The following SGCG variants were observed in gnomAD, a reference collection of about 807,000 sequenced individuals.
The protein encoded by SGCG is gamma-sarcoglycan.
A neutral mutation model predicts 29.3 loss-of-function variants in SGCG; 26 were observed. That is an observed-to-expected ratio of 0.89 (90% CI 0.65 to 1.23). The LOEUF (loss-of-function observed/expected upper bound fraction) is 1.23, where lower values mean the gene tolerates loss of function less well. Among genes scored for constraint, SGCG ranks in the 50% most tolerant of loss-of-function variants. The probability of loss-of-function intolerance (pLI) is 0.00; values close to 1 mark genes in which losing one functional copy is unlikely to be tolerated. For synonymous variants in SGCG, 145 were observed against 129.7 expected (o/e 1.12, Z -0.80); for missense variants, 353 against 356.0 (o/e 0.99, Z 0.07).
chr13:23,317,222 ACAC>A (rs1422236663), intron 6 of SGCG, among the ~76,000 whole-genome samples: 1 of 152,166 alleles, frequency 6.6e-6, no homozygotes, highest in African/African-American at 2.4e-5. Context: ...TCAGTCTACT[ACAC>A]CACAGAGGTA....
At chr13:23,316,991 G>A (rs1202861488) in intron 6 of SGCG, among the ~76,000 whole-genome samples, 2 of 152,146 alleles carry the variant, frequency 1.3e-5, no homozygotes, top group Non-Finnish European at 2.9e-5. Flanking sequence ...CAGATCATGA[G>A]GTCAGGAGAT....
In SGCG at chr13:23,320,597, C is replaced by CTT. The variant is rs67528585; in HGVS notation, c.579-24_579-23dup. On this transcript the variant is annotated intron_variant, in intron 6 of 7. Transcript: ENST00000218867. ...ATTGCTGGAGTGGCTATTTTTAATA[C>CTT]TTTTTTTTTTTTTTTTTGTGCTTCT... The CTT allele has an allele frequency of 0.078, 100,868 of 1,294,468 alleles. 1,636 individuals are homozygous for CTT. The highest frequency in any genetic ancestry group is 0.17 in the African/African-American group (9,977 of 60,366). 80.2% of individuals were successfully genotyped at this position (1,294,468 alleles called of 1,614,324 possible). A position where few individuals can be genotyped will look rare whatever the true frequency, so the allele number is the denominator to read the frequency against.
chr13:23,309,036 A>G (rs1882458809), intron 6 of SGCG, among the ~76,000 whole-genome samples: 1 of 151,998 alleles, frequency 6.6e-6, no homozygotes, highest in East Asian at 1.9e-4. Flanking sequence ...TTAATATTTT[A>G]TGATATTCTC....
chr13:23,244,207 A>G (rs536264459), intron 3 of SGCG: 19 of 152,354 alleles, frequency 1.2e-4, no homozygotes, highest in African/African-American at 4.1e-4. Context: ...TACATATCAT[A>G]TCAGGATTAC....
intron 6 of SGCG, among the ~76,000 whole-genome samples, chr13:23,311,490 C>T (rs951166293): frequency 5.3e-5 from 8 of 152,216 alleles, no homozygotes; most frequent in South Asian, 2.1e-4. Context: ...GGGGTGGTAG[C>T]GAGCTCCCTC....
At chr13:23,169,507 C>T in the SGCG span, among the ~76,000 whole-genome samples, 2 of 151,862 alleles carry the variant, frequency 1.3e-5, no homozygotes, top group South Asian at 2.1e-4. Context: ...GGTGAAACCC[C>T]GTCTCTACTA....
chr13:23,230,967 A>G (rs1879085348), intron 2 of SGCG, among the ~76,000 whole-genome samples: 2 of 152,146 alleles, frequency 1.3e-5, no homozygotes, highest in African/African-American at 4.8e-5. Flanking sequence ...TTCCTTCAAT[A>G]CTTAGTTTAT....
chr13:23,162,761 G>A, the SGCG span, among the ~76,000 whole-genome samples: 1 of 152,004 alleles, frequency 6.6e-6, no homozygotes, highest in African/African-American at 2.4e-5. Context: ...AACCTGGGTG[G>A]CGAAGTTGCA....
chr13:23,316,241 C>T (rs1242095546), intron 6 of SGCG, among the ~76,000 whole-genome samples: 1 of 152,140 alleles, frequency 6.6e-6, no homozygotes, highest in Non-Finnish European at 1.5e-5. Context: ...AGAGGTTTGT[C>T]CTCACTGGAA....
At chr13:23,167,634 G>A in the SGCG span, among the ~76,000 whole-genome samples, 5,346 of 152,102 alleles carry the variant, frequency 0.035, 124 homozygotes, top group Middle Eastern at 0.099. Flanking sequence ...GTTTTTATTT[G>A]CATTCCTCTG....
chr13:23,234,485 T>G, intron 2 of SGCG, 126 bp from the exon 3 acceptor site: 1 of 566,792 alleles, frequency 1.8e-6, no homozygotes, highest in Non-Finnish European at 3.0e-6. Flanking sequence ...TTAAATACAC[T>G]AGGAGAAATG....
At chr13:23,215,369 T>G (rs1878387472) in intron 2 of SGCG, among the ~76,000 whole-genome samples, 1 of 152,182 alleles carries the variant, frequency 6.6e-6, no homozygotes, top group Non-Finnish European at 1.5e-5. Flanking sequence ...ACAAACCAAC[T>G]AATCTTATTT....
chr13:23,207,728 G>T (rs902375784), intron 2 of SGCG, among the ~76,000 whole-genome samples: 1 of 152,084 alleles, frequency 6.6e-6, no homozygotes, highest in Non-Finnish European at 1.5e-5. Context: ...TCAGGGAAAC[G>T]CAAATCAAAA....
intron 6 of SGCG, among the ~76,000 whole-genome samples, chr13:23,320,074 TTC>T (rs1882978271): frequency 6.6e-6 from 1 of 152,248 alleles, no homozygotes; most frequent in African/African-American, 2.4e-5. Context: ...CAAACTTATA[TTC>T]TGTCTTATGA....
At chr13:23,287,639 C>T (rs1881543251) in intron 5 of SGCG, among the ~76,000 whole-genome samples, 1 of 152,232 alleles carries the variant, frequency 6.6e-6, no homozygotes, top group South Asian at 2.1e-4. Context: ...AGCCATCCTA[C>T]AACTCCAACT....
intron 2 of SGCG, among the ~76,000 whole-genome samples, chr13:23,225,455 T>C (rs1475442124): frequency 1.3e-5 from 2 of 152,188 alleles, no homozygotes; most frequent in African/African-American, 4.8e-5. Context: ...GCACATCCAC[T>C]TGGACTCATA....
In SGCG at chr13:23,300,551, T is replaced by C. The variant is rs188948065; in HGVS notation, c.578+5064T>C. Reference sequence around the variant, plus strand: ...AACGATGTCACAAGAAAGATTGCTATTTTAGGCCATGGGTTGAAAAATTAC... The same window carrying C: ...AACGATGTCACAAGAAAGATTGCTACTTTAGGCCATGGGTTGAAAAATTAC... On this transcript the variant is annotated intron_variant, in intron 6 of 7. Coordinates refer to ENST00000218867, the MANE Select transcript of SGCG (RefSeq NM_000231.3). 2.5e-3 allele frequency among the ~76,000 whole-genome samples: 379 copies of C among 152,146 alleles called. 4 individuals are homozygous for C. The highest frequency in any genetic ancestry group is 1.2e-3 in the Non-Finnish European group (80 of 68,002).
intron 4 of SGCG, among the ~76,000 whole-genome samples, chr13:23,257,729 T>C (rs1880254388): frequency 1.3e-5 from 2 of 152,314 alleles, no homozygotes; most frequent in South Asian, 4.1e-4. Context: ...TCATATAAAG[T>C]GTAAGGAAGA....
rs1566037539 is a variant in SGCG, at chr13:23,299,446, A to ATTTTTTTT, written c.578+3960_578+3961insTTTTTTTT. On this transcript the variant is annotated intron_variant, in intron 6 of 7. Coordinates refer to ENST00000218867, the MANE Select transcript of SGCG (RefSeq NM_000231.3). ...TATATATATATATATATATATATATATATATATATATTTTTTTTTTTTTTT... is the reference window on the plus strand; with the variant it reads ...TATATATATATATATATATATATATATTTTTTTTTATATATATATTTTTTTTTTTTTTT... Among the ~76,000 whole-genome samples the ATTTTTTTT allele has an allele frequency of 8.1e-4, 6 of 7,392 alleles. 1 individual carries two copies. The highest frequency in any genetic ancestry group is 1.1e-3 in the Non-Finnish European group (4 of 3,570). The allele number at this position is 7,392 out of a possible 152,430, so 4.8% of individuals were successfully genotyped here.
Sources: allele counts gnomAD v4.1 joint callset (sites outside exome capture counted in the v4.1 genomes callset), GRCh38; gene constraint gnomAD v4.1.1; transcripts MANE v1.5; gene names NCBI Gene and HGNC (gene_info 2026-07-23, HGNC 2026-07-21).